The following POTEJ variants were observed in gnomAD, a reference collection of about 807,000 sequenced individuals.
POTEJ encodes the protein POTE ankyrin domain family member J.
A neutral mutation model predicts 69.0 loss-of-function variants in POTEJ; 11 were observed. The observed-to-expected ratio is 0.16, with a 90% CI of 0.10 to 0.26. The LOEUF is 0.26. Among genes scored for constraint, POTEJ ranks in the 10% least tolerant of loss-of-function variants. The pLI is 1.00. For synonymous variants in POTEJ, 117 were observed against 381.1 expected (o/e 0.31, Z 8.07); for missense variants, 327 against 1,045.5 (o/e 0.31, Z 9.48).
At chr2:130,643,514 T>C (rs1253130018) in intron 10 of POTEJ, among the ~76,000 whole-genome samples, 1 of 136,256 alleles carries the variant, frequency 7.3e-6, no homozygotes, top group African/African-American at 2.8e-5. Flanking sequence ...AGACCCTGAC[T>C]CATTAAAAAA....
At chr2:130,649,011 C>T (rs1163488424) in intron 13 of POTEJ, among the ~76,000 whole-genome samples, 2 of 135,266 alleles carry the variant, frequency 1.5e-5, no homozygotes, top group Non-Finnish European at 3.1e-5. Context: ...AGGCTGGTCT[C>T]AAACTCCTGA....
At chr2:130,640,290 T>C (rs936773248) in intron 10 of POTEJ, among the ~76,000 whole-genome samples, 10 of 141,104 alleles carry the variant, frequency 7.1e-5, no homozygotes, top group African/African-American at 2.6e-4. Context: ...CAGTTCACTT[T>C]TGGTATTACC....
Position 130,611,492 on chromosome 2 carries a change from T to A in POTEJ, c.-41T>A. The stretch of plus-strand genomic sequence containing the variant: ...TGGTGAAACTGGTTGGTAGACGTGA[T>A]CTGCTCGCTACTACCGGCCTCCCCA... On this transcript the variant is annotated 5_prime_UTR_variant, in exon 1 of 15. Coordinates refer to ENST00000409602, the MANE Select transcript of POTEJ (RefSeq NM_001277083.2). 3 of 636,272 alleles carry A rather than the reference T, an allele frequency of 4.7e-6. No individual in the cohort carries two copies. The highest frequency in any genetic ancestry group is 8.3e-6 in the Non-Finnish European group (3 of 362,392). The allele number at this position is 636,272 out of a possible 1,614,324, so 39.4% of individuals were successfully genotyped here.
chr2:130,631,133 C>T (rs1369806781), intron 7 of POTEJ, among the ~76,000 whole-genome samples: 1 of 147,034 alleles, frequency 6.8e-6, no homozygotes, highest in Non-Finnish European at 1.5e-5. Flanking sequence ...TTTGCTGGTT[C>T]ACGTTTTTTT....
At chr2:130,623,529 T>C (rs1685602319) in intron 5 of POTEJ, among the ~76,000 whole-genome samples, 1 of 66,638 alleles carries the variant, frequency 1.5e-5, no homozygotes, top group African/African-American at 8.0e-5. Flanking sequence ...AACATTTGCA[T>C]ATTAGAACCT....
At chr2:130,623,499 TA>T (rs1685601754) in intron 5 of POTEJ, among the ~76,000 whole-genome samples, 1 of 59,710 alleles carries the variant, frequency 1.7e-5, no homozygotes, top group African/African-American at 9.0e-5. Context: ...TAGGACTTAA[TA>T]ACATTTTCTG....
rs1213151174 is a variant in POTEJ at position 130,613,329 on chromosome 2, TATATATAC to T, written c.410+1395_410+1402del. On this transcript the variant is annotated intron_variant, in intron 1 of 14. Transcript: ENST00000409602. The stretch of plus-strand genomic sequence containing the variant: ...GTATATATACATATATATACATATG[TATATATAC>T]ATATATATGTGTGTGTATATATATA... Among the ~76,000 whole-genome samples, 345 of 119,768 alleles carry T rather than the reference TATATATAC, an allele frequency of 2.9e-3. 11 individuals are homozygous for T. Among genetic ancestry groups the T allele is most frequent in the African/African-American group, 0.014 (310 of 22,302 alleles). 78.6% of individuals were successfully genotyped at this position (119,768 alleles called of 152,430 possible).
Position 130,657,055 on chromosome 2 carries a change from C to T in POTEJ, c.2295C>T (p.Pro765=), listed in dbSNP as rs776726615. The change falls in exon 15 of 15, where the codon CCC becomes CCT. Residue 765 remains proline (P), a synonymous_variant. Coordinates refer to ENST00000409602, the MANE Select transcript of POTEJ (RefSeq NM_001277083.2). The stretch of plus-strand genomic sequence containing the variant: ...TGCGTGTGGCCCCCGAGGAGCACCC[C>T]ATCCTGCTGACCGAGGCCCCCCTGA... ...NELRVAPEEH[P]ILLTEAPLNP... 8 of 1,581,422 alleles carry T rather than the reference C, an allele frequency of 5.1e-6. No individual in the cohort carries two copies. The highest frequency in any genetic ancestry group is 4.5e-5 in the East Asian group (2 of 44,876).
rs1298364604 is a variant in POTEJ at position 130,638,929 on chromosome 2, T to C, written c.1369+240T>C. ...ATCAGTGGAAGCTCTGAGCTGATTTTTCTGCAACTAGATGGTCCCTTCTGG... is the reference window on the plus strand; with the variant it reads ...ATCAGTGGAAGCTCTGAGCTGATTTCTCTGCAACTAGATGGTCCCTTCTGG... On this transcript the variant is annotated intron_variant, in intron 10 of 14. Coordinates refer to ENST00000409602, the MANE Select transcript of POTEJ (RefSeq NM_001277083.2). Among the ~76,000 whole-genome samples, 39 of 152,334 alleles carry C rather than the reference T, an allele frequency of 2.6e-4. No homozygotes were observed. In the South Asian group the frequency reaches 4.6e-3, roughly 18 times the overall value.
chr2:130,633,619 C>G (rs1264865170), intron 9 of POTEJ, among the ~76,000 whole-genome samples: 1 of 145,146 alleles, frequency 6.9e-6, no homozygotes, highest in African/African-American at 2.6e-5. Context: ...TGTAATATTT[C>G]CTGTGTTGCA....
At position 130,630,813 on chromosome 2, in the gene POTEJ, A is replaced by C. The variant is rs74921216; in HGVS notation, c.1087-596A>C. 6.6e-3 allele frequency among the ~76,000 whole-genome samples: 890 copies of C among 134,958 alleles called. 22 individuals carry two copies. The highest frequency in any genetic ancestry group is 0.015 in the African/African-American group (522 of 34,638). The allele number at this position is 134,958 out of a possible 152,430, so 88.5% of individuals were successfully genotyped here. On this transcript the variant is annotated intron_variant, in intron 7 of 14. Coordinates refer to ENST00000409602, the MANE Select transcript of POTEJ (RefSeq NM_001277083.2). ...TTAGAATATATTAGAACTGGACTTA[A>C]GCAGATAATCTGGATACATAACACT...
At position 130,636,599 on chromosome 2, in the gene POTEJ, C is replaced by T. The variant is rs544636862; in HGVS notation, c.1299-2020C>T. ...GCTTTAGTTTTTCTCCTCTAACATA[C>T]CGTATATTTTGCCTTATCTGTCTGT... On this transcript the variant is annotated intron_variant, in intron 9 of 14. Coordinates refer to ENST00000409602, the MANE Select transcript of POTEJ (RefSeq NM_001277083.2). Among the ~76,000 whole-genome samples, 439 of 148,222 alleles carry T rather than the reference C, an allele frequency of 3.0e-3. 6 individuals are homozygous for T. Among genetic ancestry groups the T allele is most frequent in the Admixed American group, 0.027 (397 of 14,698 alleles).
chr2:130,640,833 T>A (rs1686334482), intron 10 of POTEJ, among the ~76,000 whole-genome samples: 1 of 152,220 alleles, frequency 6.6e-6, no homozygotes, highest in Non-Finnish European at 1.5e-5. Flanking sequence ...AATATCCCAA[T>A]AGACTTATGT....
chr2:130,637,458 G>A (rs1404245852), intron 9 of POTEJ, among the ~76,000 whole-genome samples: 1 of 150,224 alleles, frequency 6.7e-6, no homozygotes, highest in Non-Finnish European at 1.5e-5. Flanking sequence ...GCATAAGGCG[G>A]CCACACAAAT....
chr2:130,647,685 CAG>C (rs1686637010), intron 13 of POTEJ, among the ~76,000 whole-genome samples: 1 of 136,488 alleles, frequency 7.3e-6, no homozygotes, highest in South Asian at 2.4e-4. Context: ...GCTGAGACCA[CAG>C]GTGTGCAACA....
rs570173500 is a variant in POTEJ, at chr2:130,636,938, G to A, written c.1299-1681G>A. On this transcript the variant is annotated intron_variant, in intron 9 of 14. Coordinates refer to ENST00000409602, the MANE Select transcript of POTEJ (RefSeq NM_001277083.2). ...CTAAAAATACAAAAAAATTAACCGG[G>A]TGTGGTGGCATGCGCCTGTAGTCCC... Among the ~76,000 whole-genome samples, 12 of 146,902 alleles carry A rather than the reference G, an allele frequency of 8.2e-5. 1 individual carries two copies. The South Asian group carries it at 2.6e-3, about 31-fold the overall frequency.
intron 4 of POTEJ, among the ~76,000 whole-genome samples, 176 bp downstream of exon 4, chr2:130,620,327 G>A (rs1685507709): frequency 1.4e-5 from 2 of 144,370 alleles, no homozygotes; most frequent in Admixed American, 1.4e-4. Context: ...AGTTTTAGTA[G>A]GATTCGTCTT....
At chr2:130,625,808 C>T (rs191268018) in intron 6 of POTEJ, among the ~76,000 whole-genome samples, 1,449 of 136,976 alleles carry the variant, frequency 0.011, 96 homozygotes, top group Middle Eastern at 0.018. Flanking sequence ...TTATGATATA[C>T]TTTTTAATAC....
At chr2:130,632,208 A>G (rs1453061098) in intron 8 of POTEJ, among the ~76,000 whole-genome samples, 1 of 151,080 alleles carries the variant, frequency 6.6e-6, no homozygotes, top group Non-Finnish European at 1.5e-5. Flanking sequence ...ATTGAGAATA[A>G]AAGCACAAAA....
Sources: gnomAD v4.1 joint callset for allele counts (sites outside exome capture counted in the v4.1 genomes callset) on GRCh38, gnomAD v4.1.1 for gene constraint, MANE v1.5 for transcripts, NCBI Gene and HGNC (gene_info 2026-07-23, HGNC 2026-07-21) for gene names.